The following METTL15 variants were observed in gnomAD, a reference collection of about 807,000 sequenced individuals.
The protein encoded by METTL15 is 12S rRNA N(4)-cytidine methyltransferase METTL15.
A neutral mutation model predicts 38.3 loss-of-function variants in METTL15; 34 were observed. That is an observed-to-expected ratio of 0.89 (90% CI 0.68 to 1.18). METTL15 has a LOEUF of 1.18. Ranked by LOEUF, METTL15 falls within the 50% of genes most tolerant of loss-of-function variation. METTL15 has a pLI of 0.00. For synonymous variants in METTL15, 162 were observed against 170.9 expected (o/e 0.95, Z 0.41); for missense variants, 438 against 498.4 (o/e 0.88, Z 1.15).
At chr11:28,215,983 T>C (rs1432097650) in intron 4 of METTL15, among the ~76,000 whole-genome samples, 2 of 152,132 alleles carry the variant, frequency 1.3e-5, no homozygotes, top group East Asian at 1.9e-4. Flanking sequence ...CCAACCTTGG[T>C]GACAGAGCAA....
At chr11:28,431,020 G>T (rs1850921846) in intron 6 of METTL15, among the ~76,000 whole-genome samples, 1 of 64,112 alleles carries the variant, frequency 1.6e-5, no homozygotes, top group African/African-American at 4.5e-5. Flanking sequence ...CCCTGTCCGG[G>T]AGGGAGGTGG....
chr11:28,257,995 A>G (rs1322009048), intron 4 of METTL15, among the ~76,000 whole-genome samples: 1 of 152,168 alleles, frequency 6.6e-6, no homozygotes, highest in Non-Finnish European at 1.5e-5. Flanking sequence ...TATAGTTTTC[A>G]TAGTCTGGGC....
intron 4 of METTL15, among the ~76,000 whole-genome samples, chr11:28,246,801 C>G (rs764775108): frequency 7.9e-5 from 12 of 152,096 alleles, no homozygotes; most frequent in Non-Finnish European, 1.5e-5. Flanking sequence ...TATTTGAGAA[C>G]TGCACTGTCC....
intron 3 of METTL15, among the ~76,000 whole-genome samples, chr11:28,135,915 T>C (rs1849499337): frequency 6.6e-6 from 1 of 152,196 alleles, no homozygotes; most frequent in Non-Finnish European, 1.5e-5. Flanking sequence ...GTTAGTTCAG[T>C]CCATTCTGTT....
chr11:28,357,027 C>T (rs1167643435), intron 4 of METTL15, among the ~76,000 whole-genome samples: 1 of 152,196 alleles, frequency 6.6e-6, no homozygotes, highest in African/African-American at 2.4e-5. Flanking sequence ...TCCAGAACCT[C>T]ACAGTTGCTA....
intron 4 of METTL15, among the ~76,000 whole-genome samples, chr11:28,279,947 A>G (rs1327435260): frequency 6.6e-6 from 1 of 151,964 alleles, no homozygotes; most frequent in Admixed American, 6.6e-5. Flanking sequence ...GCTAACATAA[A>G]TTAGTAATTT....
intron 3 of METTL15, among the ~76,000 whole-genome samples, chr11:28,343,570 C>G (rs1301073119): frequency 1.3e-5 from 2 of 152,194 alleles, no homozygotes; most frequent in African/African-American, 4.8e-5. Flanking sequence ...AGTCTTTCTT[C>G]AGATCAGTTA....
chr11:28,210,061 A>G (rs1852561619), intron 3 of METTL15, among the ~76,000 whole-genome samples: 1 of 151,994 alleles, frequency 6.6e-6, no homozygotes, highest in Non-Finnish European at 1.5e-5. Context: ...ACAATCAACT[A>G]ACTTGTACAC....
At chr11:28,312,688 A>G (rs982904494) in intron 6 of METTL15, among the ~76,000 whole-genome samples, 2 of 152,198 alleles carry the variant, frequency 1.3e-5, no homozygotes, top group African/African-American at 4.8e-5. Context: ...TCCAAAATCA[A>G]AGAGCAGCAT....
At chr11:28,197,684 G>A (rs565433790) in intron 3 of METTL15, 1 of 276,950 alleles carries the variant, frequency 3.6e-6, no homozygotes, top group African/African-American at 2.2e-5. Flanking sequence ...CCTGCAATAT[G>A]CACATATGTG....
In METTL15 at chr11:28,488,872, C is replaced by A. The variant is rs1590392184; in HGVS notation, c.*425-37606C>A. 2.6e-5 allele frequency among the ~76,000 whole-genome samples: 4 copies of A among 152,182 alleles called. No homozygotes were observed. In the South Asian group the frequency reaches 8.3e-4, roughly 32 times the overall value. ...GAATCCCAACTCTAATCCTCTGGAT[C>A]TTAGGTCTTAGCATTTATAGTTGGT... On this transcript the variant is annotated intron_variant and NMD_transcript_variant, in intron 6 of 7. Transcript: ENST00000532947.
chr11:28,292,165 G>A (rs539698161), intron 5 of METTL15, among the ~76,000 whole-genome samples: 22 of 150,696 alleles, frequency 1.5e-4, no homozygotes, highest in African/African-American at 5.1e-4. Context: ...CCAGTAACTC[G>A]TCATTTAACA....
chr11:28,397,946 G>T (rs1207147193), intron 5 of METTL15, among the ~76,000 whole-genome samples: 1 of 152,102 alleles, frequency 6.6e-6, no homozygotes, highest in African/African-American at 2.4e-5. Context: ...TGGGGACATG[G>T]ATGAAACTTG....
At chr11:28,337,669 CT>C (rs537827599), downstream of METTL15, among the ~76,000 whole-genome samples, 1 of 152,008 alleles carries the variant, frequency 6.6e-6, no homozygotes, top group African/African-American at 2.4e-5. Flanking sequence ...GTAAGTGCAC[CT>C]TTTTTTATCT....
intron 5 of METTL15, among the ~76,000 whole-genome samples, chr11:28,377,512 G>A (rs1254875394): frequency 6.6e-6 from 1 of 151,938 alleles, no homozygotes; most frequent in Admixed American, 6.6e-5. Flanking sequence ...AGCTCCATCA[G>A]CTCCTTTAAG....
At chr11:28,392,968 C>T (rs1850527533) in intron 5 of METTL15, among the ~76,000 whole-genome samples, 1 of 151,820 alleles carries the variant, frequency 6.6e-6, no homozygotes, top group South Asian at 2.1e-4. Context: ...ACCTCACAAT[C>T]ATTAGAATGA....
chr11:28,412,159 A>G (rs4620708), intron 5 of METTL15, among the ~76,000 whole-genome samples: 1 of 152,030 alleles, frequency 6.6e-6, no homozygotes, highest in African/African-American at 2.4e-5. Context: ...GTAGATTGGT[A>G]TAGCCATTAT....
chr11:28,496,286 A>G (rs1039612939), intron 6 of METTL15, among the ~76,000 whole-genome samples: 14 of 152,184 alleles, frequency 9.2e-5, no homozygotes, highest in African/African-American at 3.4e-4. Flanking sequence ...TCCCATTTTT[A>G]AAACCATCAG....
intron 3 of METTL15, chr11:28,124,007 A>G (rs1274879148): frequency 5.0e-6 from 3 of 598,882 alleles, no homozygotes; most frequent in Admixed American, 8.6e-5. Context: ...ACTTTTATAT[A>G]TTATTGACTG....
Sources: allele counts gnomAD v4.1 joint callset (sites outside exome capture counted in the v4.1 genomes callset), GRCh38; gene constraint gnomAD v4.1.1; transcripts MANE v1.5; gene names NCBI Gene and HGNC (gene_info 2026-07-23, HGNC 2026-07-21).